The following TEX10 variants were observed in gnomAD, a reference collection of about 807,000 sequenced individuals.
TEX10 encodes the protein testis expressed 10.
A neutral mutation model predicts 104.4 loss-of-function variants in TEX10; 24 were observed. The observed-to-expected ratio is 0.23, with a 90% CI of 0.17 to 0.32. The LOEUF (loss-of-function observed/expected upper bound fraction) is 0.32, where lower values mean the gene tolerates loss of function less well. TEX10 is among the 10% of genes least tolerant of loss of function. The pLI, the probability that TEX10 is intolerant of heterozygous loss-of-function variation, is 1.00. For missense variants in TEX10, 921 were observed against 1,083.9 expected, an observed-to-expected ratio of 0.85 and a Z score of 2.11; for synonymous variants, 396 against 393.4, an observed-to-expected ratio of 1.01 and a Z score of -0.08.
chr9:100,352,463 C>T, intron 1 of TEX10: 1 of 1,551,706 alleles, frequency 6.4e-7, no homozygotes, highest in Non-Finnish European at 8.7e-7. Context: ...CAAGGGACGC[C>T]GGCCAGGACC....
At chr9:100,327,713 T>C in intron 8 of TEX10, 74 bp downstream of exon 8, 1 of 1,264,554 alleles carries the variant, frequency 7.9e-7, no homozygotes, top group Non-Finnish European at 1.0e-6. Flanking sequence ...ATTACAGAGC[T>C]CCCCTTAAAA....
chr9:100,314,977 G>A (rs1834378892), intron 11 of TEX10, among the ~76,000 whole-genome samples: 1 of 152,140 alleles, frequency 6.6e-6, no homozygotes, highest in Non-Finnish European at 1.5e-5. Flanking sequence ...GTGACTCAAT[G>A]ATTGCTCAAG....
At chr9:100,315,497 C>A (rs1375408130) in intron 11 of TEX10, among the ~76,000 whole-genome samples, 1 of 152,086 alleles carries the variant, frequency 6.6e-6, no homozygotes, top group Admixed American at 6.6e-5. Context: ...TATCCTCTTG[C>A]TGAATTGATC....
intron 9 of TEX10, among the ~76,000 whole-genome samples, chr9:100,322,625 A>T (rs1281388041): frequency 2.0e-5 from 3 of 151,772 alleles, no homozygotes; most frequent in East Asian, 1.9e-4. Context: ...TTATATATAT[A>T]TTTTTTGGGG....
In TEX10 at chr9:100,330,122, A is replaced by C. The variant is rs367862056; in HGVS notation, c.1298T>G (p.Leu433Arg). ...VLSNNIDHLL[L>R]NLTLSDIMVS... ...CATGATATCAGACAGTGTTAAATTC[A>C]GTAAGAGATGATCTATGTTATTGGA... Residue 433 changes from leucine to arginine, a missense_variant, in exon 6 of 15, where the codon CTG becomes CGG. Coordinates refer to ENST00000374902, the MANE Select transcript of TEX10 (RefSeq NM_017746.4). 3 of 1,613,986 alleles carry C rather than the reference A, an allele frequency of 1.9e-6. No individual in the cohort carries two copies. Among genetic ancestry groups the C allele is most frequent in the Non-Finnish European group, 2.5e-6 (3 of 1,179,932 alleles).
intron 3 of TEX10, 38 bp downstream of exon 3, chr9:100,346,656 C>T: frequency 6.4e-7 from 1 of 1,556,344 alleles, no homozygotes; most frequent in Non-Finnish European, 8.7e-7. Context: ...TAATTCAATA[C>T]AGCAAAACTG....
In TEX10 at chr9:100,303,623, G is replaced by A. The variant is rs368077029; in HGVS notation, c.2676+9C>T. On this transcript the variant is annotated intron_variant, in intron 14 of 14. Coordinates refer to ENST00000374902, the MANE Select transcript of TEX10 (RefSeq NM_017746.4). Reference sequence around the variant, plus strand: ...AATACTGCAAAGCCTCCGGTACCATGCTTCTTACCGTGATATTCTTGATGA... The same window carrying A: ...AATACTGCAAAGCCTCCGGTACCATACTTCTTACCGTGATATTCTTGATGA... The A allele has an allele frequency of 3.7e-6, 6 of 1,613,606 alleles. No homozygotes were observed. The African/African-American group carries it at 6.7e-5, about 18-fold the overall frequency.
intron 1 of TEX10, among the ~76,000 whole-genome samples, chr9:100,351,078 G>A (rs1261253048): frequency 6.6e-6 from 1 of 152,064 alleles, no homozygotes; most frequent in East Asian, 1.9e-4. Context: ...ACCAAGCCCG[G>A]TACTAGATGC....
At chr9:100,340,506 A>C in intron 4 of TEX10, 137 bp from the exon 5 acceptor site, 1 of 502,544 alleles carries the variant, frequency 2.0e-6, no homozygotes. Context: ...ATATGTAAAT[A>C]AATTTAAAAA....
At chr9:100,348,383 T>C (rs1305156171) in intron 2 of TEX10, among the ~76,000 whole-genome samples, 3 of 152,206 alleles carry the variant, frequency 2.0e-5, no homozygotes, top group African/African-American at 2.4e-5. Flanking sequence ...AACCAATGAA[T>C]TGTATTCTTT....
At chr9:100,308,765 T>A in intron 12 of TEX10, 84 bp from the exon 13 acceptor site, 1 of 1,271,066 alleles carries the variant, frequency 7.9e-7, no homozygotes, top group Non-Finnish European at 1.0e-6. Flanking sequence ...AATTCACGAT[T>A]AACTTTACAT....
intron 4 of TEX10, 77 bp from the exon 5 acceptor site, chr9:100,340,446 A>G (rs1253283613): frequency 1.2e-6 from 1 of 818,126 alleles, no homozygotes; most frequent in African/African-American, 1.8e-5. Flanking sequence ...GAGAAATGAC[A>G]ACTTGTCAAA....
intron 4 of TEX10, among the ~76,000 whole-genome samples, chr9:100,342,710 A>G (rs1447749002): frequency 1.3e-5 from 2 of 152,178 alleles, no homozygotes; most frequent in Non-Finnish European, 2.9e-5. Flanking sequence ...ACGTAGAGAA[A>G]AAGTAGCAAG....
chr9:100,330,785 T>C (rs1301997727), intron 5 of TEX10, among the ~76,000 whole-genome samples: 1 of 152,234 alleles, frequency 6.6e-6, no homozygotes, highest in East Asian at 1.9e-4. Context: ...GACTGTGGTA[T>C]ATTCAACAGC....
At chr9:100,342,809 C>A (rs184645539) in intron 4 of TEX10, among the ~76,000 whole-genome samples, 1 of 152,218 alleles carries the variant, frequency 6.6e-6, no homozygotes, top group African/African-American at 2.4e-5. Context: ...CTAAAAACCA[C>A]AGTAAATCAA....
intron 5 of TEX10, among the ~76,000 whole-genome samples, chr9:100,339,214 A>G (rs1415312367): frequency 8.0e-6 from 1 of 125,322 alleles, no homozygotes; most frequent in African/African-American, 3.1e-5. Context: ...AGATGGTGCC[A>G]CAGCCTGGGA....
chr9:100,328,553 T>C (rs79555706), intron 7 of TEX10, among the ~76,000 whole-genome samples: 3,274 of 152,292 alleles, frequency 0.021, 63 homozygotes, highest in Middle Eastern at 0.088. Flanking sequence ...AGTATGAAGA[T>C]TATTGAGATT....
chr9:100,302,301 A>G lies in TEX10; in HGVS notation c.2680T>C (p.Leu894=), dbSNP rs1356570796. The change falls in exon 15 of 15, where the codon TTG becomes CTG. Residue 894 remains leucine, a synonymous_variant. Coordinates refer to ENST00000374902, the MANE Select transcript of TEX10 (RefSeq NM_017746.4). Reference sequence around the variant, plus strand: ...TGTTCCTGAACACTTCCACTCTTCAATGTCTGGAGAGAAAAACAAGAGTAA... The same window carrying G: ...TGTTCCTGAACACTTCCACTCTTCAGTGTCTGGAGAGAAAAACAAGAGTAA... ...VQQIIKNITT[L]KSGSVQEQWL... 3.7e-6 allele frequency: 6 copies of G among 1,607,662 alleles called. No individual in the cohort carries two copies. Among genetic ancestry groups the G allele is most frequent in the Admixed American group, 1.7e-5 (1 of 59,564 alleles).
chr9:100,348,464 A>C (rs1158274483), intron 2 of TEX10, among the ~76,000 whole-genome samples: 1 of 152,256 alleles, frequency 6.6e-6, no homozygotes, highest in Non-Finnish European at 1.5e-5. Context: ...AACACTTCTC[A>C]AACTTCAATT....
Sources: allele counts gnomAD v4.1 joint callset (sites outside exome capture counted in the v4.1 genomes callset), GRCh38; gene constraint gnomAD v4.1.1; transcripts MANE v1.5; gene names NCBI Gene and HGNC (gene_info 2026-07-23, HGNC 2026-07-21).